The following GPC5 variants were observed in gnomAD, a reference collection of about 807,000 sequenced individuals.
GPC5 encodes glypican 5, also known as glypican-5.
A neutral mutation model predicts 53.9 loss-of-function variants in GPC5; 47 were observed. The ratio of observed to expected loss-of-function variants is 0.87; its 90% CI spans 0.69 to 1.11. GPC5 has a LOEUF of 1.11. Ranked by LOEUF, GPC5 falls within the 50% of genes most tolerant of loss-of-function variation. The pLI is 0.00. For missense variants in GPC5, 748 were observed against 713.1 expected (o/e 1.05, Z -0.56); for synonymous variants, 286 against 263.3 (o/e 1.09, Z -0.84).
chr13:92,035,087 C>T (rs1416706028), intron 6 of GPC5, among the ~76,000 whole-genome samples: 4 of 151,866 alleles, frequency 2.6e-5, no homozygotes, highest in Non-Finnish European at 2.9e-5. Flanking sequence ...TGATGGCAGG[C>T]GCCTGTTGTC....
chr13:92,794,015 TCCTC>T (rs1314978427), intron 7 of GPC5, among the ~76,000 whole-genome samples: 1 of 151,974 alleles, frequency 6.6e-6, no homozygotes, highest in Non-Finnish European at 1.5e-5. Context: ...AAAGAAAGAA[TCCTC>T]CCTAACTCAT....
intron 7 of GPC5, among the ~76,000 whole-genome samples, chr13:92,194,471 G>A (rs7992260): frequency 0.33 from 50,308 of 152,108 alleles, 9,555 homozygotes; most frequent in East Asian, 0.66. Context: ...GAGCAATTTT[G>A]AAAGGTGCTA....
intron 2 of GPC5, among the ~76,000 whole-genome samples, chr13:91,659,549 A>G (rs910161141): frequency 1.3e-5 from 2 of 152,214 alleles, no homozygotes; most frequent in Non-Finnish European, 2.9e-5. Context: ...TGCTCTTTCT[A>G]AGATATACCA....
intron 7 of GPC5, among the ~76,000 whole-genome samples, chr13:92,749,481 G>T (rs1341330833): frequency 6.6e-6 from 1 of 152,096 alleles, no homozygotes; most frequent in East Asian, 1.9e-4. Flanking sequence ...CTGTAAAATG[G>T]CTAGTTATAT....
At chr13:92,086,924 G>A (rs573232873) in intron 6 of GPC5, among the ~76,000 whole-genome samples, 1 of 152,260 alleles carries the variant, frequency 6.6e-6, no homozygotes, top group East Asian at 1.9e-4. Context: ...CTCCCAAAGT[G>A]CTGGGATTAC....
chr13:92,730,377 C>T (rs1479752779), intron 7 of GPC5, among the ~76,000 whole-genome samples: 1 of 151,406 alleles, frequency 6.6e-6, no homozygotes, highest in Non-Finnish European at 1.5e-5. Context: ...TAAGATATTA[C>T]TATGATACCA....
chr13:91,477,466 A>G (rs1000223092), intron 2 of GPC5, among the ~76,000 whole-genome samples: 1 of 152,160 alleles, frequency 6.6e-6, no homozygotes, highest in Non-Finnish European at 1.5e-5. Context: ...TTCTGTTTTG[A>G]CAGTGGTATG....
chr13:91,878,441 C>T (rs563339412), intron 5 of GPC5, among the ~76,000 whole-genome samples: 8 of 152,236 alleles, frequency 5.3e-5, no homozygotes, highest in South Asian at 2.1e-4. Context: ...ACCTAGTACA[C>T]GCAGCTACAC....
intron 6 of GPC5, among the ~76,000 whole-genome samples, chr13:91,976,768 G>A (rs1282372763): frequency 2.6e-5 from 4 of 152,140 alleles, no homozygotes; most frequent in Admixed American, 2.0e-4. Flanking sequence ...GGCCGAGCGC[G>A]GTGGCTCACG....
In GPC5 at chr13:92,034,054, A is replaced by G. The variant is rs191565874; in HGVS notation, c.1402-110776A>G. Among the ~76,000 whole-genome samples, 295 of 152,356 alleles carry G rather than the reference A, an allele frequency of 1.9e-3. 3 individuals carry two copies. The Middle Eastern group carries it at 0.034, about 18-fold the overall frequency. On this transcript the variant is annotated intron_variant, in intron 6 of 7. Transcript: ENST00000377067. The stretch of plus-strand genomic sequence containing the variant: ...AATACTATACAGCAAAGAAAAGGAA[A>G]GAGTGACAGCTAAAAATCCTCCAAC...
intron 2 of GPC5, among the ~76,000 whole-genome samples, chr13:91,484,712 C>T (rs538706287): frequency 6.6e-6 from 1 of 152,086 alleles, no homozygotes; most frequent in Non-Finnish European, 1.5e-5. Context: ...AAGTTTATAA[C>T]TTTTAGTTTT....
intron 1 of GPC5, among the ~76,000 whole-genome samples, chr13:91,419,705 T>C (rs1433524762): frequency 6.6e-6 from 1 of 152,170 alleles, no homozygotes; most frequent in Non-Finnish European, 1.5e-5. Flanking sequence ...AGAAATAAAA[T>C]TGTGCCTGGT....
At chr13:92,527,477 G>T (rs1003650512) in intron 7 of GPC5, among the ~76,000 whole-genome samples, 1 of 152,058 alleles carries the variant, frequency 6.6e-6, no homozygotes, top group African/African-American at 2.4e-5. Flanking sequence ...AGGGGGTAAG[G>T]TGTGGCTGTT....
intron 7 of GPC5, among the ~76,000 whole-genome samples, chr13:92,635,978 G>A (rs1329191626): frequency 6.6e-6 from 1 of 152,118 alleles, no homozygotes; most frequent in African/African-American, 2.4e-5. Context: ...CAATGGCCAT[G>A]GCCAATAATG....
At chr13:92,254,805 AG>A (rs2139133280) in intron 7 of GPC5, among the ~76,000 whole-genome samples, 1 of 152,254 alleles carries the variant, frequency 6.6e-6, no homozygotes, top group African/African-American at 2.4e-5. Context: ...GAACCCACTC[AG>A]TATCACAAGA....
rs1384010939 is a variant in GPC5 at position 91,748,503 on chromosome 13, G to A, written c.1155-7792G>A. Among the ~76,000 whole-genome samples the A allele has an allele frequency of 5.9e-5, 9 of 152,182 alleles. No homozygotes were observed. The East Asian group carries it at 1.7e-3, about 29-fold the overall frequency. On this transcript the variant is annotated intron_variant, in intron 4 of 7. Transcript: ENST00000377067. ...GTAGGAGCTTCTAATTCTAGAAGTTGTTAAAAACTAGTCTGGGGCTAATTC... is the reference window on the plus strand; with the variant it reads ...GTAGGAGCTTCTAATTCTAGAAGTTATTAAAAACTAGTCTGGGGCTAATTC...
intron 7 of GPC5, among the ~76,000 whole-genome samples, chr13:92,519,077 A>G (rs1208644079): frequency 6.6e-6 from 1 of 152,256 alleles, no homozygotes; most frequent in African/African-American, 2.4e-5. Context: ...AAGAAGACCT[A>G]ACTATCTTAA....
At chr13:91,573,469 T>A (rs2032016170) in intron 2 of GPC5, among the ~76,000 whole-genome samples, 3 of 152,200 alleles carry the variant, frequency 2.0e-5, no homozygotes, top group Admixed American at 2.0e-4. Context: ...TACAAAGTAA[T>A]GAAGCTGAAT....
chr13:91,599,931 AG>A (rs2033120639), intron 2 of GPC5, among the ~76,000 whole-genome samples: 2 of 152,188 alleles, frequency 1.3e-5, no homozygotes, highest in Non-Finnish European at 2.9e-5. Flanking sequence ...TTAAGAGCTC[AG>A]CTTTTTTGAA....
Sources: allele counts gnomAD v4.1 joint callset (sites outside exome capture counted in the v4.1 genomes callset), GRCh38; gene constraint gnomAD v4.1.1; transcripts MANE v1.5; gene names NCBI Gene and HGNC (gene_info 2026-07-23, HGNC 2026-07-21).